STING1: variants seen among roughly 807,000 people sequenced by gnomAD.
STING1 encodes stimulator of interferon genes protein.
STING1 carries 19 observed loss-of-function variants against 31.6 expected under a neutral mutation model. The ratio of observed to expected loss-of-function variants is 0.60; its 90% CI spans 0.42 to 0.88. STING1 has a LOEUF of 0.88. STING1 is among the 40% of genes least tolerant of loss of function. STING1 has a pLI of 0.00. For synonymous variants in STING1, 200 were observed against 208.6 expected (o/e 0.96, Z 0.35); for missense variants, 371 against 483.7 (o/e 0.77, Z 2.19).
intron 5 of STING1, among the ~76,000 whole-genome samples, chr5:139,479,899 G>A (rs955716121): frequency 7.6e-6 from 1 of 132,336 alleles, no homozygotes; most frequent in Non-Finnish European, 1.6e-5. Context: ...GCAGGGACCT[G>A]TAATTCCAGC....
In STING1 at chr5:139,478,423, G is replaced by T. The variant is rs752399447; in HGVS notation, c.606C>A (p.Leu202=). The T allele has an allele frequency of 6.2e-7, 1 of 1,614,206 alleles. No individual in the cohort carries two copies. Among genetic ancestry groups the T allele is most frequent in the South Asian group, 1.1e-5 (1 of 91,082 alleles). ...GAVSQRLYIL[L]PLDCGVPDNL... Reference sequence around the variant, plus strand: ...TATCAGGCACCCCACAGTCCAATGGGAGGAGAATATACAGCCGCTGGCTCA... The same window carrying T: ...TATCAGGCACCCCACAGTCCAATGGTAGGAGAATATACAGCCGCTGGCTCA... Residue 202 remains leucine (L), a synonymous_variant, in exon 6 of 8, where the codon CTC becomes CTA. Coordinates refer to ENST00000330794, the MANE Select transcript of STING1 (RefSeq NM_198282.4).
At position 139,481,672 on chromosome 5, in the gene STING1, C is replaced by T. The variant is rs149842998; in HGVS notation, c.33G>A (p.Pro11=). The change falls in exon 3 of 8, where the codon CCG becomes CCA. Residue 11 remains proline (P), a synonymous_variant. Transcript: ENST00000330794. The surrounding 1 kb of genome is among the most constrained non-coding windows in gnomAD (Gnocchi z 4.1). MPHSSLHPSI[P]CPRGHGAQKA... ...TCTGGGCCCCGTGACCCCTGGGACA[C>T]GGGATGGATGGATGCAGGCTGGAGT... 3,189 of 1,609,638 alleles carry T rather than the reference C, an allele frequency of 2.0e-3. 38 individuals are homozygous for T. The South Asian group carries it at 0.021, about 11-fold the overall frequency.
chr5:139,481,399 G>T lies in STING1; in HGVS notation c.228-57C>A. 3.2e-6 allele frequency: 5 copies of T among 1,584,482 alleles called. No individual in the cohort carries two copies. Among genetic ancestry groups the T allele is most frequent in the South Asian group, 1.2e-5 (1 of 85,406 alleles). On this transcript the variant is annotated intron_variant, in intron 3 of 7. Coordinates refer to ENST00000330794, the MANE Select transcript of STING1 (RefSeq NM_198282.4). This position sits in a 1 kb window ranked among gnomAD's most constrained non-coding sequence, Gnocchi z 4.1. ...CCCCCAGCCCAGCTCAGCCAGAGAG[G>T]TTCAAGGAGGGGCAGGGCTAGGCAT...
chr5:139,481,360 A>C lies in STING1; in HGVS notation c.228-18T>G, dbSNP rs1751841565. On this transcript the variant is annotated intron_variant, in intron 3 of 7. Coordinates refer to ENST00000330794, the MANE Select transcript of STING1 (RefSeq NM_198282.4). This position sits in a 1 kb window ranked among gnomAD's most constrained non-coding sequence, Gnocchi z 4.1. Reference sequence around the variant, plus strand: ...CCCGGTACCTGTGAGTGACAGCCAGACCCCAGACCCCAGCCCCCAGCCCAG... The same window carrying C: ...CCCGGTACCTGTGAGTGACAGCCAGCCCCCAGACCCCAGCCCCCAGCCCAG... 3 of 1,579,320 alleles carry C rather than the reference A, an allele frequency of 1.9e-6. No homozygotes were observed. The highest frequency in any genetic ancestry group is 1.7e-5 in the Admixed American group (1 of 58,206).
intron 6 of STING1, 96 bp downstream of exon 6, chr5:139,478,172 CAG>C: frequency 1.1e-6 from 1 of 916,246 alleles, no homozygotes; most frequent in South Asian, 1.5e-5. Context: ...CACTACAGCT[CAG>C]AGAAGGGCAG....
chr5:139,478,454 C>A lies in STING1; in HGVS notation c.575G>T (p.Gly192Val), dbSNP rs201096097. The part of the protein sequence containing the change: ...YNQHYNNLLR[G>V]AVSQRLYILL... ...AATATACAGCCGCTGGCTCACTGCA[C>A]CCCGTAGCAGGTTGTTGTAATGCTG... is the stretch of plus-strand genomic sequence containing the variant. Residue 192 changes from glycine (G) to valine (V), a missense_variant, in exon 6 of 8, where the codon GGT becomes GTT. Gly to Val is a moderately radical substitution (Grantham distance 109, BLOSUM62 -3). Transcript: ENST00000330794. 2.2e-4 allele frequency: 350 copies of A among 1,614,210 alleles called. 1 individual carries two copies. The Middle Eastern group carries it at 6.6e-3, about 30-fold the overall frequency.
Position 139,481,438 on chromosome 5 carries a change from C to G in STING1, c.227+40G>C. 6.2e-7 allele frequency: 1 copy of G among 1,602,480 alleles called. No individual in the cohort carries two copies. Among genetic ancestry groups the G allele is most frequent in the Non-Finnish European group, 8.5e-7 (1 of 1,172,098 alleles). On this transcript the variant is annotated intron_variant, in intron 3 of 7. Coordinates refer to ENST00000330794, the MANE Select transcript of STING1 (RefSeq NM_198282.4). The surrounding 1 kb of genome is among the most constrained non-coding windows in gnomAD (Gnocchi z 4.1). ...AGGGCTAGGCATCAAGGGAGTGACA[C>G]ACGTTGGATACCCCGTCCCTGGGTA...
chr5:139,479,848 CAAAAAAAAAAAAAAAAAAA>C (rs1168023127), intron 5 of STING1, among the ~76,000 whole-genome samples: 2 of 34,914 alleles, frequency 5.7e-5, no homozygotes, highest in African/African-American at 3.6e-4. Context: ...ACTAAAAATA[CAAAAAAAAAAAAAAAAAAA>C]AAAAAAAAAG....
chr5:139,478,308 T>G lies in STING1; in HGVS notation c.721A>C (p.Ser241Arg), dbSNP rs1435186136. ...TCCAGAAGCTCATAGATGCTGTTGC[T>G]GTAAACCCGATCCTTGATGCCAGCA... The part of the protein sequence containing the change: ...DHAGIKDRVY[S>R]NSIYELLENG... The change falls in exon 6 of 8, where the codon AGC becomes CGC. Residue 241 changes from serine to arginine, a missense_variant. Coordinates refer to ENST00000330794, the MANE Select transcript of STING1 (RefSeq NM_198282.4). The G allele has an allele frequency of 6.2e-7, 1 of 1,613,984 alleles. No homozygotes were observed. The highest frequency in any genetic ancestry group is 1.3e-5 in the African/African-American group (1 of 74,896).
chr5:139,481,779 C>A lies in STING1; in HGVS notation c.1-75G>T. On this transcript the variant is annotated intron_variant, in intron 2 of 7. Transcript: ENST00000330794. This position sits in a 1 kb window ranked among gnomAD's most constrained non-coding sequence, Gnocchi z 4.1. ...TTCTGGGACTGAGGCTCTGGCTGGGCACTTCCTCCCAGTTCCCCTTTCCCT... is the reference window on the plus strand; with the variant it reads ...TTCTGGGACTGAGGCTCTGGCTGGGAACTTCCTCCCAGTTCCCCTTTCCCT... 1 of 1,258,724 alleles carries A rather than the reference C, an allele frequency of 7.9e-7. No individual in the cohort carries two copies. Among genetic ancestry groups the A allele is most frequent in the Non-Finnish European group, 1.1e-6 (1 of 901,062 alleles). The allele number at this position is 1,258,724 out of a possible 1,614,324, so 78.0% of individuals were successfully genotyped here.
At chr5:139,478,140 C>T in intron 6 of STING1, 130 bp downstream of exon 6, 1 of 718,942 alleles carries the variant, frequency 1.4e-6, no homozygotes, top group Non-Finnish European at 2.4e-6. Context: ...GAATCCTGCC[C>T]AGACCTGGGA....
intron 5 of STING1, 137 bp from the exon 6 acceptor site, chr5:139,478,645 G>A: frequency 1.3e-6 from 1 of 753,866 alleles, no homozygotes; most frequent in Non-Finnish European, 2.2e-6. Context: ...CATTGTACAG[G>A]AGGCCAGGAG....
chr5:139,477,994 A>G (rs1372879268), intron 6 of STING1, among the ~76,000 whole-genome samples: 9 of 152,168 alleles, frequency 5.9e-5, no homozygotes, highest in Admixed American at 5.9e-4. Flanking sequence ...TCCTCTGTAA[A>G]GTGGGAATGC....
At position 139,476,180 on chromosome 5, in the gene STING1, C is replaced by T; in HGVS notation, c.*81G>A. ...CCCCCTGTGGAAGGAAATAGCTCTGCTGGACATTCAGCCACTGAAGAGAGC... is the reference window on the plus strand; with the variant it reads ...CCCCCTGTGGAAGGAAATAGCTCTGTTGGACATTCAGCCACTGAAGAGAGC... On this transcript the variant is annotated 3_prime_UTR_variant, in exon 8 of 8. Transcript: ENST00000330794. 8.7e-7 allele frequency: 1 copy of T among 1,155,816 alleles called. No homozygotes were observed. The highest frequency in any genetic ancestry group is 2.6e-5 in the East Asian group (1 of 38,820). 71.6% of individuals were successfully genotyped at this position (1,155,816 alleles called of 1,614,324 possible).
rs867650202 is a variant in STING1, at chr5:139,481,314, G to T, written c.256C>A (p.Arg86=). The change falls in exon 4 of 8, where the codon CGG becomes AGG. Residue 86 remains arginine (R), a synonymous_variant. Coordinates refer to ENST00000330794, the MANE Select transcript of STING1 (RefSeq NM_198282.4). This position sits in a 1 kb window ranked among gnomAD's most constrained non-coding sequence, Gnocchi z 4.1. ...RYRGSYWRTV[R]ACLGCPLRRG... ...CGGAGGGGGCAGCCCAGGCAGGCCC[G>T]CACAGTCCTCCAGTAGCTGCCCCGG... 1 of 1,604,792 alleles carries T rather than the reference G, an allele frequency of 6.2e-7. No homozygotes were observed. The highest frequency in any genetic ancestry group is 2.2e-5 in the East Asian group (1 of 44,848).
chr5:139,476,251 A>T lies in STING1; in HGVS notation c.*10T>A. On this transcript the variant is annotated 3_prime_UTR_variant, in exon 8 of 8. Transcript: ENST00000330794. The stretch of plus-strand genomic sequence containing the variant: ...GACCACTGGAGGCTCTGGCCTGGTG[A>T]CCCTGGGTCTCAAGAGAAATCCGTG... 4 of 1,562,850 alleles carry T rather than the reference A, an allele frequency of 2.6e-6. No individual in the cohort carries two copies. Among genetic ancestry groups the T allele is most frequent in the Non-Finnish European group, 2.6e-6 (3 of 1,154,020 alleles).
intron 7 of STING1, among the ~76,000 whole-genome samples, 153 bp downstream of exon 7, chr5:139,477,176 G>T (rs557262772): frequency 6.6e-6 from 1 of 152,240 alleles, no homozygotes; most frequent in East Asian, 1.9e-4. Context: ...AAAGCAATCT[G>T]GTGTGCTGGG....
intron 5 of STING1, among the ~76,000 whole-genome samples, chr5:139,479,701 T>TAAAA (rs79747590): frequency 8.1e-6 from 1 of 123,192 alleles, no homozygotes; most frequent in African/African-American, 3.1e-5. Flanking sequence ...AACTCCATCT[T>TAAAA]AAAAAAAAAA....
chr5:139,476,350 C>A lies in STING1; in HGVS notation c.1051G>T (p.Val351Leu), dbSNP rs1751658563. ...TGGGACATCGTGGAGGTACTGGGCA[C>A]CGCTGAGGTCTTCAAGCTGCCCACA... ...VTVGSLKTSA[V>L]PSTSTMSQEP... Residue 351 changes from valine to leucine, a missense_variant, in exon 8 of 8, where the codon GTG becomes TTG. By Grantham distance (32) the Val-to-Leu change is conservative (BLOSUM62 1). Coordinates refer to ENST00000330794, the MANE Select transcript of STING1 (RefSeq NM_198282.4). 6.2e-7 allele frequency: 1 copy of A among 1,612,582 alleles called. No homozygotes were observed. Among genetic ancestry groups the A allele is most frequent in the Non-Finnish European group, 8.5e-7 (1 of 1,179,928 alleles).
Sources: gnomAD v4.1 joint callset for allele counts (sites outside exome capture counted in the v4.1 genomes callset) on GRCh38, gnomAD v4.1.1 for gene constraint, Gnocchi (gnomAD v3.1) non-coding constraint, MANE v1.5 for transcripts, NCBI Gene and HGNC (gene_info 2026-07-23, HGNC 2026-07-21) for gene names.